FGF12: variants seen among roughly 807,000 people sequenced by gnomAD.
FGF12 encodes the protein fibroblast growth factor 12.
Under a neutral mutation model 23.6 loss-of-function variants are expected in FGF12, and 14 were observed. That is an observed-to-expected ratio of 0.59 (90% CI 0.39 to 0.93). The LOEUF (loss-of-function observed/expected upper bound fraction) is 0.93, where lower values mean the gene tolerates loss of function less well. Ranked by LOEUF, FGF12 falls within the 40% of genes least tolerant of loss-of-function variation. The probability of loss-of-function intolerance (pLI) is 0.00; values close to 1 mark genes in which losing one functional copy is unlikely to be tolerated. For synonymous variants in FGF12, 62 were observed against 77.3 expected (o/e 0.80, Z 1.04); for missense variants, 175 against 217.8 (o/e 0.80, Z 1.24).
chr3:192,512,699 G>A (rs1220625381), intron 2 of FGF12, among the ~76,000 whole-genome samples: 1 of 151,308 alleles, frequency 6.6e-6, no homozygotes, highest in East Asian at 1.9e-4. Context: ...TGTGGAAAGG[G>A]TGGGAAGGAA....
chr3:192,349,422 A>T (rs1438977871), intron 3 of FGF12, among the ~76,000 whole-genome samples: 1 of 151,986 alleles, frequency 6.6e-6, no homozygotes, highest in Non-Finnish European at 1.5e-5. Flanking sequence ...CTCTCTTTTT[A>T]GTTTCTTATT....
intron 2 of FGF12, among the ~76,000 whole-genome samples, chr3:192,446,382 A>C (rs530765101): frequency 2.0e-5 from 3 of 152,246 alleles, no homozygotes; most frequent in African/African-American, 7.2e-5. Context: ...TTAAACACAC[A>C]GTTCATTTAG....
intron 2 of FGF12, among the ~76,000 whole-genome samples, chr3:192,445,619 T>C (rs1221508796): frequency 6.6e-6 from 1 of 152,100 alleles, no homozygotes; most frequent in Non-Finnish European, 1.5e-5. Flanking sequence ...TATCTTCACC[T>C]AGAAATTCTG....
intron 3 of FGF12, among the ~76,000 whole-genome samples, chr3:192,351,871 G>A (rs897409502): frequency 6.6e-6 from 1 of 152,156 alleles, no homozygotes; most frequent in Non-Finnish European, 1.5e-5. Flanking sequence ...ACCTCACATG[G>A]ACAAAAGAAA....
intron 2 of FGF12, among the ~76,000 whole-genome samples, chr3:192,471,729 A>C (rs544574213): frequency 1.3e-5 from 2 of 152,330 alleles, no homozygotes; most frequent in South Asian, 2.1e-4. Flanking sequence ...GCCATGGCTA[A>C]TTTATGCTCA....
At chr3:192,542,207 C>T (rs1330237570) in intron 2 of FGF12, among the ~76,000 whole-genome samples, 1 of 151,948 alleles carries the variant, frequency 6.6e-6, no homozygotes, top group Non-Finnish European at 1.5e-5. Flanking sequence ...TCTGTCTCCC[C>T]TGGCTATTTC....
At chr3:192,686,161 T>C (rs1717724572) in intron 2 of FGF12, among the ~76,000 whole-genome samples, 1 of 152,010 alleles carries the variant, frequency 6.6e-6, no homozygotes, top group South Asian at 2.1e-4. Context: ...AGGATGAAAA[T>C]ATCAGCGTCT....
chr3:192,172,921 T>C (rs1715647706), intron 4 of FGF12, among the ~76,000 whole-genome samples: 1 of 151,090 alleles, frequency 6.6e-6, no homozygotes, highest in Non-Finnish European at 1.5e-5. Context: ...TACAGTGTGA[T>C]AGTTCTACAG....
At chr3:192,575,950 A>G (rs1712863165) in intron 2 of FGF12, among the ~76,000 whole-genome samples, 1 of 152,228 alleles carries the variant, frequency 6.6e-6, no homozygotes, top group South Asian at 2.1e-4. Context: ...AAAAATAACT[A>G]AGGTTTTCTT....
intron 2 of FGF12, among the ~76,000 whole-genome samples, chr3:192,578,285 G>A (rs769054438): frequency 1.4e-4 from 21 of 152,158 alleles, no homozygotes; most frequent in Non-Finnish European, 2.9e-4. Flanking sequence ...AAACTTCCCT[G>A]TCGATAGGTA....
intron 4 of FGF12, among the ~76,000 whole-genome samples, chr3:192,289,446 A>G (rs910579350): frequency 3.3e-5 from 5 of 152,172 alleles, no homozygotes; most frequent in Admixed American, 1.3e-4. Context: ...TAAGAATAAA[A>G]CGAGAAGGAA....
intron 4 of FGF12, among the ~76,000 whole-genome samples, chr3:192,304,507 G>T (rs74449643): frequency 0.015 from 2,343 of 152,068 alleles, 62 homozygotes; most frequent in African/African-American, 0.055. Flanking sequence ...ATTCTCTCCT[G>T]CATAGAAAGG....
intron 2 of FGF12, among the ~76,000 whole-genome samples, chr3:192,544,459 C>T (rs1049592642): frequency 3.3e-5 from 5 of 152,130 alleles, no homozygotes; most frequent in African/African-American, 7.2e-5. Context: ...GGCCATCTTG[C>T]GCTGCCTTCC....
chr3:192,212,008 T>C (rs985851889), intron 4 of FGF12, among the ~76,000 whole-genome samples: 6 of 152,242 alleles, frequency 3.9e-5, no homozygotes, highest in Non-Finnish European at 5.9e-5. Context: ...AAATAGCCCA[T>C]TGTGCAACTT....
intron 2 of FGF12, among the ~76,000 whole-genome samples, chr3:192,563,203 A>T (rs972905957): frequency 1.3e-5 from 2 of 152,232 alleles, no homozygotes; most frequent in African/African-American, 4.8e-5. Flanking sequence ...TCTATCCAAG[A>T]TTAATGGAAT....
At chr3:192,446,991 A>G (rs1429175271) in intron 2 of FGF12, among the ~76,000 whole-genome samples, 1 of 152,206 alleles carries the variant, frequency 6.6e-6, no homozygotes, top group Non-Finnish European at 1.5e-5. Context: ...TTTAGCAGCA[A>G]TAATACTGCA....
chr3:192,348,696 T>C (rs1369427975), intron 3 of FGF12, among the ~76,000 whole-genome samples: 2 of 152,134 alleles, frequency 1.3e-5, no homozygotes, highest in South Asian at 2.1e-4. Flanking sequence ...AAATTCGAGA[T>C]ACAGTGTAAA....
At chr3:192,619,756 T>G (rs143716123) in intron 2 of FGF12, among the ~76,000 whole-genome samples, 4 of 152,296 alleles carry the variant, frequency 2.6e-5, no homozygotes, top group African/African-American at 9.6e-5. Flanking sequence ...GGCCATAAAT[T>G]CTTAACATCT....
At chr3:192,629,989 G>A (rs991807538) in intron 2 of FGF12, among the ~76,000 whole-genome samples, 1 of 152,142 alleles carries the variant, frequency 6.6e-6, no homozygotes, top group African/African-American at 2.4e-5. Flanking sequence ...TGGAATCCCC[G>A]GTATCAGAAG....
Sources: allele counts gnomAD v4.1 joint callset (sites outside exome capture counted in the v4.1 genomes callset), GRCh38; gene constraint gnomAD v4.1.1; transcripts MANE v1.5; gene names NCBI Gene and HGNC (gene_info 2026-07-23, HGNC 2026-07-21).